INTS3: variants seen among roughly 807,000 people sequenced by gnomAD.
INTS3 encodes integrator complex subunit 3.
In INTS3, 34 loss-of-function variants were observed where a neutral mutation model predicts 146.3. The ratio of observed to expected loss-of-function variants is 0.23; its 90% CI spans 0.18 to 0.31. The LOEUF is 0.31. Ranked by LOEUF, INTS3 falls within the 10% of genes least tolerant of loss-of-function variation. The pLI, the probability that INTS3 is intolerant of heterozygous loss-of-function variation, is 1.00. For synonymous variants in INTS3, 475 were observed against 494.9 expected, an observed-to-expected ratio of 0.96 and a Z score of 0.53; for missense variants, 757 against 1,304.2, an observed-to-expected ratio of 0.58 and a Z score of 6.46.
intron 22 of INTS3, 60 bp downstream of exon 22, chr1:153,769,021 C>A: frequency 1.5e-6 from 2 of 1,327,608 alleles, no homozygotes; most frequent in Non-Finnish European, 2.2e-6. Context: ...GGACATAGGG[C>A]CTCTGCTCTC....
Position 153,763,327 on chromosome 1 carries a change from C to G in INTS3, c.1731C>G (p.Ser577=). Residue 577 remains serine (S), a synonymous_variant, in exon 16 of 30, where the codon TCC becomes TCG. Coordinates refer to ENST00000318967, the MANE Select transcript of INTS3 (RefSeq NM_023015.5). The part of the protein sequence containing the change: ...ITPYLDQLDE[S]LRDKVLQLQK... ...CTTACCTTGACCAGTTGGATGAGTC[C>G]CTGAGGGACAAAGTACTCCAGCTAC... The G allele has an allele frequency of 1.9e-6, 3 of 1,614,092 alleles. No homozygotes were observed. The highest frequency in any genetic ancestry group is 2.5e-6 in the Non-Finnish European group (3 of 1,180,012).
intron 12 of INTS3, 192 bp from the exon 13 acceptor site, chr1:153,760,635 C>T: frequency 3.2e-6 from 2 of 631,680 alleles, no homozygotes; most frequent in Non-Finnish European, 5.6e-6. Flanking sequence ...ATCTGGTTTC[C>T]TTGGGGAGCA....
Position 153,747,062 on chromosome 1 carries a change from C to T in INTS3, c.424C>T (p.Arg142Cys). ...GTACCTGAAGCTGCAGGATACCTGC[C>T]GTACTCAGGTAAGGCCAGAAAGAAA... The part of the protein sequence containing the change: ...EKYLKLQDTC[R>C]TQLVWLVREL... Residue 142 changes from arginine to cysteine, a missense_variant, in exon 4 of 30, where the codon CGT becomes TGT. This residue lies in a region of INTS3 where 160 missense variants were observed against 193.7 expected (regional missense o/e 0.83). Transcript: ENST00000318967. The T allele has an allele frequency of 1.2e-6, 2 of 1,600,392 alleles. No homozygotes were observed. Among genetic ancestry groups the T allele is most frequent in the Non-Finnish European group, 1.7e-6 (2 of 1,167,628 alleles).
intron 3 of INTS3, among the ~76,000 whole-genome samples, chr1:153,745,552 T>A (rs567198565): frequency 1.5e-4 from 23 of 151,872 alleles, no homozygotes; most frequent in Non-Finnish European, 2.9e-4. Flanking sequence ...CTACTCTTTC[T>A]GATGAGATCC....
chr1:153,745,161 C>CT (rs11438435), intron 3 of INTS3, among the ~76,000 whole-genome samples: 83,598 of 138,812 alleles, frequency 0.6, 26,876 homozygotes, highest in African/African-American at 0.85. Flanking sequence ...CCTTGCTGTA[C>CT]TTTTTTTTTT....
intron 15 of INTS3, 33 bp downstream of exon 15, chr1:153,762,880 G>C: frequency 6.2e-7 from 1 of 1,612,506 alleles, no homozygotes; most frequent in Non-Finnish European, 8.5e-7. Flanking sequence ...GTTCAGGGTT[G>C]TGTCAGCCCT....
At chr1:153,756,282 CCAGACG>C (rs1672158687) in intron 9 of INTS3, among the ~76,000 whole-genome samples, 2 of 150,648 alleles carry the variant, frequency 1.3e-5, no homozygotes, top group Non-Finnish European at 3.0e-5. Context: ...TCACTTGAAC[CCAGACG>C]CAGGAGGCAG....
chr1:153,736,920 T>C (rs1195525733), intron 1 of INTS3, among the ~76,000 whole-genome samples: 1 of 151,844 alleles, frequency 6.6e-6, no homozygotes, highest in Non-Finnish European at 1.5e-5. Context: ...CCTGCCACCA[T>C]GCCCGGCTAA....
At chr1:153,749,049 G>A (rs938189294) in intron 6 of INTS3, among the ~76,000 whole-genome samples, 2 of 152,148 alleles carry the variant, frequency 1.3e-5, no homozygotes, top group Non-Finnish European at 2.9e-5. Context: ...ATCTTAGGGG[G>A]AAGTTGGGGA....
In INTS3 at chr1:153,767,679, C is replaced by A; in HGVS notation, c.2096C>A (p.Ala699Asp). 1 of 1,584,440 alleles carries A rather than the reference C, an allele frequency of 6.3e-7. No homozygotes were observed. Among genetic ancestry groups the A allele is most frequent in the Non-Finnish European group, 8.6e-7 (1 of 1,160,406 alleles). ...HLLYYLRASK[A>D]AAGKMNLYES... is the part of the protein sequence containing the mutation. ...AGGCCCAGCTGGTCTTGCAGCAAAG[C>A]CGCCGCAGGGAAGATGAACCTGTAC... The change falls in exon 21 of 30, where the codon GCC (alanine) becomes GAC (aspartate). Residue 699 changes from alanine (A) to aspartate (D), a missense_variant. By Grantham distance (126) the Ala-to-Asp change is moderately radical. Around this residue, in one of 8 missense-constraint regions of INTS3, gnomAD observed 89 missense variants for 210.9 expected, o/e 0.42. Transcript: ENST00000318967.
At position 153,751,158 on chromosome 1, in the gene INTS3, C is replaced by G; in HGVS notation, c.648C>G (p.Ile216Met). Residue 216 changes from isoleucine (I) to methionine (M), a missense_variant, in exon 7 of 30, where the codon ATC becomes ATG. Around this residue, in one of 8 missense-constraint regions of INTS3, gnomAD observed 134 missense variants for 243.1 expected, o/e 0.55. Transcript: ENST00000318967. ...CTGTTTACACGTACCTCCGCCTCAT[C>G]GTGGACCACCATGGGACTGCCCAGC... ...AMAVYTYLRLIVDHHGTAQLQ... is the reference protein window; with the variant it reads ...AMAVYTYLRLMVDHHGTAQLQ... The G allele has an allele frequency of 3.7e-6, 6 of 1,614,088 alleles. No homozygotes were observed. Among genetic ancestry groups the G allele is most frequent in the Non-Finnish European group, 5.1e-6 (6 of 1,179,956 alleles).
intron 3 of INTS3, among the ~76,000 whole-genome samples, chr1:153,745,757 CT>C (rs1433364315): frequency 1.3e-5 from 2 of 151,898 alleles, no homozygotes; most frequent in African/African-American, 4.8e-5. Flanking sequence ...GCTAAAGCAC[CT>C]TTCCTTTTTC....
intron 1 of INTS3, among the ~76,000 whole-genome samples, chr1:153,739,468 G>A (rs934575797): frequency 4.6e-5 from 7 of 151,350 alleles, no homozygotes; most frequent in East Asian, 2.0e-4. Context: ...TCAGCCTCCC[G>A]AGTAGCTGGA....
intron 10 of INTS3, among the ~76,000 whole-genome samples, chr1:153,759,001 A>G (rs1672271292): frequency 6.6e-6 from 1 of 151,674 alleles, no homozygotes; most frequent in Non-Finnish European, 1.5e-5. Context: ...CTGTAGTCCC[A>G]GCTACCAAGG....
rs768631104 is a variant in INTS3, at chr1:153,771,787, C to T, written c.2553-9C>T. The T allele has an allele frequency of 1.9e-6, 3 of 1,607,280 alleles. No homozygotes were observed. The highest frequency in any genetic ancestry group is 1.7e-6 in the Non-Finnish European group (2 of 1,175,698). ...GCAAGCAGCACCCAGTGCCCCCTTC[C>T]TCCCCCAGGCCCAGCGAGGAGATGG... On this transcript the variant is annotated splice_polypyrimidine_tract_variant and intron_variant, in intron 25 of 29. Transcript: ENST00000318967.
chr1:153,736,814 A>G (rs1352638887), intron 1 of INTS3, among the ~76,000 whole-genome samples: 2 of 127,134 alleles, frequency 1.6e-5, no homozygotes, highest in Admixed American at 1.9e-4. Flanking sequence ...CCCAGGCTGG[A>G]GTGCAGTGGC....
chr1:153,740,515 A>T (rs1251619835), intron 1 of INTS3, 136 bp from the exon 2 acceptor site: 1 of 677,378 alleles, frequency 1.5e-6, no homozygotes, highest in African/African-American at 1.8e-5. Flanking sequence ...TTTTATCCTC[A>T]TGGTGACTTT....
intron 7 of INTS3, 42 bp downstream of exon 7, chr1:153,751,281 A>C: frequency 1.9e-6 from 3 of 1,602,218 alleles, no homozygotes; most frequent in Non-Finnish European, 2.6e-6. Context: ...AGTGAGACTC[A>C]GGCTAAGATA....
chr1:153,755,980 C>G (rs542318516), intron 9 of INTS3, among the ~76,000 whole-genome samples: 7 of 151,580 alleles, frequency 4.6e-5, no homozygotes, highest in African/African-American at 1.7e-4. Flanking sequence ...GCAGAGGTTG[C>G]GATAAGCCAA....
Sources: allele counts gnomAD v4.1 joint callset (sites outside exome capture counted in the v4.1 genomes callset), GRCh38; gene constraint gnomAD v4.1.1; regional missense constraint gnomAD v4.1.1; transcripts MANE v1.5; gene names NCBI Gene and HGNC (gene_info 2026-07-23, HGNC 2026-07-21).